Variants in GRIP1 observed in about 807,000 individuals in gnomAD.
GRIP1 encodes the protein glutamate receptor-interacting protein 1.
In GRIP1, 45 loss-of-function variants were observed where a neutral mutation model predicts 129.9. That is an observed-to-expected ratio of 0.35 (90% CI 0.27 to 0.44). The LOEUF (loss-of-function observed/expected upper bound fraction) is 0.44, where lower values mean the gene tolerates loss of function less well. Among genes scored for constraint, GRIP1 ranks in the 20% least tolerant of loss-of-function variants. GRIP1 has a pLI of 1.00. For synonymous variants in GRIP1, 530 were observed against 520.8 expected (o/e 1.02, Z -0.24); for missense variants, 1,196 against 1,396.8 (o/e 0.86, Z 2.29).
At chr12:66,721,185 A>C (rs769866784) in intron 1 of GRIP1, among the ~76,000 whole-genome samples, 1 of 152,304 alleles carries the variant, frequency 6.6e-6, no homozygotes, top group East Asian at 1.9e-4. Context: ...AATATTTTGA[A>C]AGGAATCTTT....
intron 1 of GRIP1, among the ~76,000 whole-genome samples, chr12:66,619,005 A>C (rs80223889): frequency 0.029 from 4,380 of 152,242 alleles, 206 homozygotes; most frequent in African/African-American, 0.099. Flanking sequence ...GAACCGAAGC[A>C]AATACTCAGA....
chr12:66,388,709 C>T lies in GRIP1; in HGVS notation c.2464+3599G>A, dbSNP rs146514621. On this transcript the variant is annotated intron_variant, in intron 19 of 24. Transcript: ENST00000359742. ...AACTGAGAATCAGCCCCTTGTGGGA[C>T]TTCCTTAAACATATCCCTTCTTTCC... 2.6e-3 allele frequency among the ~76,000 whole-genome samples: 390 copies of T among 152,316 alleles called. 2 individuals are homozygous for T. Among genetic ancestry groups the T allele is most frequent in the African/African-American group, 8.1e-3 (335 of 41,560 alleles).
At chr12:66,729,740 A>G (rs541595760) in intron 1 of GRIP1, among the ~76,000 whole-genome samples, 2 of 151,904 alleles carry the variant, frequency 1.3e-5, no homozygotes, top group Non-Finnish European at 2.9e-5. Context: ...CGCCCAGCTA[A>G]TTTTTTGTAT....
intron 7 of GRIP1, among the ~76,000 whole-genome samples, chr12:66,473,870 G>A (rs984827542): frequency 1.3e-5 from 2 of 152,162 alleles, no homozygotes; most frequent in African/African-American, 2.4e-5. Context: ...CCATGAAGAT[G>A]AAGAAAAACC....
At chr12:67,000,610 T>A (rs751839970) in intron 1 of GRIP1, among the ~76,000 whole-genome samples, 13 of 152,192 alleles carry the variant, frequency 8.5e-5, no homozygotes, top group Non-Finnish European at 1.6e-4. Context: ...CCTGCAGCAG[T>A]TCTAGTAAAG....
At chr12:66,695,070 G>A (rs1003285012) in intron 1 of GRIP1, among the ~76,000 whole-genome samples, 13 of 152,108 alleles carry the variant, frequency 8.5e-5, no homozygotes, top group African/African-American at 2.9e-4. Context: ...CAAATCATCT[G>A]TCTCTAACCA....
intron 1 of GRIP1, among the ~76,000 whole-genome samples, chr12:66,908,948 A>G (rs1475125648): frequency 6.6e-6 from 1 of 152,184 alleles, no homozygotes; most frequent in Non-Finnish European, 1.5e-5. Flanking sequence ...AACTCTATCT[A>G]TCCCTCAATG....
intron 1 of GRIP1, among the ~76,000 whole-genome samples, chr12:66,694,119 A>G (rs1176866726): frequency 6.6e-6 from 1 of 152,122 alleles, no homozygotes; most frequent in Non-Finnish European, 1.5e-5. Context: ...GTGTCATACT[A>G]ACTACATAGA....
chr12:66,828,918 A>G (rs1056009964), intron 1 of GRIP1, among the ~76,000 whole-genome samples: 4 of 152,216 alleles, frequency 2.6e-5, no homozygotes, highest in African/African-American at 9.6e-5. Flanking sequence ...CATTCAACAA[A>G]GACAGCCAAT....
chr12:66,517,834 T>A, intron 6 of GRIP1, 67 bp downstream of exon 6: 2 of 847,202 alleles, frequency 2.4e-6, no homozygotes, highest in Non-Finnish European at 4.1e-6. Context: ...ATTTATCAAC[T>A]TCTATGTTAA....
intron 1 of GRIP1, among the ~76,000 whole-genome samples, chr12:66,649,329 C>A (rs1195180399): frequency 6.6e-6 from 1 of 152,178 alleles, no homozygotes; most frequent in African/African-American, 2.4e-5. Flanking sequence ...AGAAAGCCAT[C>A]AGCTCTGTAT....
chr12:66,741,429 T>A (rs2036783660), intron 1 of GRIP1, among the ~76,000 whole-genome samples: 1 of 152,154 alleles, frequency 6.6e-6, no homozygotes, highest in Non-Finnish European at 1.5e-5. Context: ...AATGTGGGGA[T>A]AAAGTAAGAT....
intron 4 of GRIP1, among the ~76,000 whole-genome samples, chr12:66,531,288 T>A (rs1375343164): frequency 1.8e-5 from 1 of 54,086 alleles, no homozygotes; most frequent in Non-Finnish European, 3.2e-5. Context: ...TATATATATA[T>A]ATATATATAT....
intron 5 of GRIP1, among the ~76,000 whole-genome samples, chr12:66,524,886 A>G (rs188932038): frequency 6.6e-6 from 1 of 152,232 alleles, no homozygotes; most frequent in Non-Finnish European, 1.5e-5. Context: ...CTACCATCAG[A>G]GAATACTACA....
In GRIP1 at chr12:66,484,850, A is replaced by C. The variant is rs138579234; in HGVS notation, c.725-19428T>G. The stretch of plus-strand genomic sequence containing the variant: ...ATTTGGAATGTTCTCAACTCAAAGA[A>C]ATTATAAATGTTTGAGGTGATGGAT... On this transcript the variant is annotated intron_variant, in intron 7 of 24. Transcript: ENST00000359742. Among the ~76,000 whole-genome samples the C allele has an allele frequency of 2.2e-3, 332 of 152,316 alleles. 2 individuals carry two copies. The highest frequency in any genetic ancestry group is 7.4e-3 in the African/African-American group (308 of 41,562).
chr12:66,542,541 T>C (rs1286698248), intron 2 of GRIP1, among the ~76,000 whole-genome samples: 2 of 152,200 alleles, frequency 1.3e-5, no homozygotes, highest in African/African-American at 4.8e-5. Context: ...CAAGGCAGGA[T>C]TGATCCTCAG....
At chr12:66,373,728 A>T (rs1272790554) in intron 22 of GRIP1, among the ~76,000 whole-genome samples, 1 of 152,256 alleles carries the variant, frequency 6.6e-6, no homozygotes, top group Non-Finnish European at 1.5e-5. Flanking sequence ...TGAAAAAGAA[A>T]ATTATAACTG....
intron 1 of GRIP1, among the ~76,000 whole-genome samples, chr12:66,946,993 G>A (rs1479293936): frequency 7.3e-5 from 11 of 151,542 alleles, no homozygotes; most frequent in Non-Finnish European, 1.6e-4. Flanking sequence ...GTGGTGAACC[G>A]AGATCGCACC....
chr12:66,781,277 T>A (rs945657153), intron 1 of GRIP1, among the ~76,000 whole-genome samples: 2 of 152,166 alleles, frequency 1.3e-5, no homozygotes, highest in Non-Finnish European at 2.9e-5. Flanking sequence ...TTCAATGGCA[T>A]CTCTTGCTAG....
Sources: gnomAD v4.1 joint callset for allele counts (sites outside exome capture counted in the v4.1 genomes callset) on GRCh38, gnomAD v4.1.1 for gene constraint, MANE v1.5 for transcripts, NCBI Gene and HGNC (gene_info 2026-07-23, HGNC 2026-07-21) for gene names.